Variants in CASP8 observed in about 807,000 individuals in gnomAD.
The protein encoded by CASP8 is caspase 8.
Under a neutral mutation model 46.3 loss-of-function variants are expected in CASP8, and 24 were observed. That is an observed-to-expected ratio of 0.52 (90% CI 0.38 to 0.73). The LOEUF is 0.73. CASP8 is among the 30% of genes least tolerant of loss of function. CASP8 has a pLI of 0.00. For synonymous variants in CASP8, 188 were observed against 200.4 expected (o/e 0.94, Z 0.52); for missense variants, 460 against 559.0 (o/e 0.82, Z 1.79).
upstream of CASP8, chr2:201,257,911 A>G (rs1947102299): frequency 2.6e-6 from 1 of 384,570 alleles, no homozygotes; most frequent in Non-Finnish European, 4.9e-6. Flanking sequence ...ATGCTTTCCA[A>G]TAAAGCATGT....
chr2:201,273,282 C>T (rs2125267828), intron 5 of CASP8, among the ~76,000 whole-genome samples: 1 of 152,290 alleles, frequency 6.6e-6, no homozygotes, highest in East Asian at 1.9e-4. Flanking sequence ...TAGTCTCAAA[C>T]TCCTGACCTC....
At position 201,260,540 on chromosome 2, in the gene CASP8, GT is replaced by G. The variant is rs1947312870; in HGVS notation, c.-97del. 1.0e-6 allele frequency: 1 copy of G among 985,326 alleles called. No homozygotes were observed. Among genetic ancestry groups the G allele is most frequent in the African/African-American group, 1.7e-5 (1 of 57,224 alleles). 61.0% of individuals were successfully genotyped at this position (985,326 alleles called of 1,614,324 possible). ...TGTGCCCTTCCGTCCTTCATTAGAC[GT>G]TTGCTCTTGTCTTAGATGCTCAGAT... On this transcript the variant is annotated 5_prime_UTR_variant, in exon 1 of 9. Transcript: ENST00000673742.
intron 6 of CASP8, 32 bp downstream of exon 6, chr2:201,274,985 C>A: frequency 7.1e-6 from 10 of 1,409,754 alleles, no homozygotes; most frequent in Non-Finnish European, 9.0e-6. Flanking sequence ...CTTTTTTTTA[C>A]ATTACAGATT....
intron 1 of CASP8, among the ~76,000 whole-genome samples, chr2:201,263,188 G>GT (rs1473505879): frequency 6.6e-6 from 1 of 152,150 alleles, no homozygotes; most frequent in East Asian, 1.9e-4. Flanking sequence ...TATTGAATGT[G>GT]TAACAAGAGC....
chr2:201,234,387 T>C (rs1945952879), intron 2 of CASP8, among the ~76,000 whole-genome samples: 1 of 152,206 alleles, frequency 6.6e-6, no homozygotes, highest in Non-Finnish European at 1.5e-5. Context: ...CCGCAGGGGA[T>C]ACTGGGTAGT....
intron 2 of CASP8, among the ~76,000 whole-genome samples, chr2:201,235,989 A>G (rs1314505865): frequency 6.6e-6 from 1 of 152,228 alleles, no homozygotes; most frequent in Non-Finnish European, 1.5e-5. Context: ...TATACCATCT[A>G]GGTTTTGCAT....
At chr2:201,256,613 GTA>G (rs916337978), upstream of CASP8, among the ~76,000 whole-genome samples, 2 of 152,320 alleles carry the variant, frequency 1.3e-5, no homozygotes, top group Admixed American at 6.5e-5. Context: ...AAGGGAGTTA[GTA>G]TGTCATAGAA....
At chr2:201,277,674 T>C (rs1305103101) in intron 7 of CASP8, 1 of 435,442 alleles carries the variant, frequency 2.3e-6, no homozygotes, top group South Asian at 1.6e-5. Flanking sequence ...ATTATAATCA[T>C]CAGGAGTCTG....
At chr2:201,267,158 C>A (rs960686464) in intron 2 of CASP8, among the ~76,000 whole-genome samples, 4 of 152,092 alleles carry the variant, frequency 2.6e-5, no homozygotes, top group African/African-American at 9.7e-5. Flanking sequence ...CAAAGTGAAA[C>A]ATTACTTAGA....
chr2:201,281,112 G>A (rs536010658), intron 7 of CASP8, among the ~76,000 whole-genome samples: 93 of 152,222 alleles, frequency 6.1e-4, no homozygotes, highest in African/African-American at 2.2e-3. Context: ...CTGGGAGTTT[G>A]TGACCAACCT....
chr2:201,253,156 C>T (rs72932862), intron 2 of CASP8, among the ~76,000 whole-genome samples: 6 of 151,888 alleles, frequency 4.0e-5, no homozygotes, highest in East Asian at 3.9e-4. Flanking sequence ...CCACCACACC[C>T]GACTAATTTT....
upstream of CASP8, among the ~76,000 whole-genome samples, chr2:201,258,979 CTA>C (rs1947196121): frequency 9.3e-6 from 1 of 107,430 alleles, no homozygotes; most frequent in African/African-American, 3.4e-5. Flanking sequence ...TGTTTTTTAA[CTA>C]TGCGATCTCA....
At position 201,272,149 on chromosome 2, in the gene CASP8, T is replaced by C. The variant is rs1948304850; in HGVS notation, c.412-489T>C. On this transcript the variant is annotated intron_variant, in intron 3 of 8. Coordinates refer to ENST00000673742, the MANE Select transcript of CASP8 (RefSeq NM_001372051.1). This position sits in a 1 kb window ranked among gnomAD's most constrained non-coding sequence, Gnocchi z 4.4. ...ATGTGTGTCTGTGTGTTGTGTAGTG[T>C]GTATTGTATTTATGCCCCTGTGTGT... Among the ~76,000 whole-genome samples the C allele has an allele frequency of 6.6e-6, 1 of 151,882 alleles. No homozygotes were observed. Among genetic ancestry groups the C allele is most frequent in the South Asian group, 2.1e-4 (1 of 4,810 alleles).
upstream of CASP8, among the ~76,000 whole-genome samples, chr2:201,256,573 T>C (rs185626030): frequency 4.6e-5 from 7 of 152,338 alleles, no homozygotes; most frequent in African/African-American, 1.7e-4. Context: ...TCCATCCACA[T>C]GATTCATTCC....
rs1200408162 is a variant in CASP8 at position 201,286,603 on chromosome 2, TTTTG to T, written c.*17_*20del. On this transcript the variant is annotated 3_prime_UTR_variant, in exon 9 of 9. Transcript: ENST00000673742. ...TCTTCCCTTCTGATTGATGGTGCTA[TTTTG>T]TTTGTTTTGTTTTGTTTTGTTTTTT... is the stretch of plus-strand genomic sequence containing the variant. 1.9e-6 allele frequency: 3 copies of T among 1,610,966 alleles called. No homozygotes were observed. Among genetic ancestry groups the T allele is most frequent in the Non-Finnish European group, 2.5e-6 (3 of 1,177,754 alleles).
At chr2:201,259,865 G>A (rs937607966), upstream of CASP8, among the ~76,000 whole-genome samples, 25 of 150,918 alleles carry the variant, frequency 1.7e-4, no homozygotes, top group African/African-American at 6.1e-4. Flanking sequence ...TTACCAAAGA[G>A]TTTTTGCATT....
intron 2 of CASP8, among the ~76,000 whole-genome samples, chr2:201,236,207 T>C (rs758398509): frequency 3.3e-5 from 5 of 152,222 alleles, no homozygotes; most frequent in African/African-American, 7.2e-5. Flanking sequence ...CCTGCTCCTT[T>C]TAGGCATTTA....
At chr2:201,286,402 C>G in intron 8 of CASP8, 57 bp from the exon 9 acceptor site, 1 of 1,582,052 alleles carries the variant, frequency 6.3e-7, no homozygotes, top group Non-Finnish European at 8.7e-7. Flanking sequence ...GCAGAGGAGA[C>G]AGTTCATCAG....
At chr2:201,273,057 T>TA in intron 5 of CASP8, 115 bp downstream of exon 5, 54 of 786,624 alleles carry the variant, frequency 6.9e-5, no homozygotes, top group Non-Finnish European at 1.0e-4. Context: ...CTCTACTTTT[T>TA]CTTTTTTTTT....
Sources: gnomAD v4.1 joint callset for allele counts (sites outside exome capture counted in the v4.1 genomes callset) on GRCh38, gnomAD v4.1.1 for gene constraint, Gnocchi (gnomAD v3.1) non-coding constraint, MANE v1.5 for transcripts, NCBI Gene and HGNC (gene_info 2026-07-23, HGNC 2026-07-21) for gene names.